PRCC: variants seen among roughly 807,000 people sequenced by gnomAD.
PRCC encodes the protein proline rich mitotic checkpoint control factor, also known as proline-rich protein PRCC.
In PRCC, 10 loss-of-function variants were observed where a neutral mutation model predicts 44.0. The ratio of observed to expected loss-of-function variants is 0.23; its 90% CI spans 0.14 to 0.39. The LOEUF (loss-of-function observed/expected upper bound fraction) is 0.39. PRCC is among the 10% of genes least tolerant of loss of function. PRCC has a pLI of 1.00. For synonymous variants in PRCC, 278 were observed against 259.5 expected (o/e 1.07, Z -0.69); for missense variants, 573 against 624.7 (o/e 0.92, Z 0.88).
intron 2 of PRCC, among the ~76,000 whole-genome samples, chr1:156,785,165 T>C (rs1398901589): frequency 6.6e-6 from 1 of 152,106 alleles, no homozygotes; most frequent in African/African-American, 2.4e-5. Flanking sequence ...CTGAAGATGA[T>C]CTTATAAAAA....
At chr1:156,770,631 TC>T (rs1558044468) in intron 1 of PRCC, among the ~76,000 whole-genome samples, 1 of 152,212 alleles carries the variant, frequency 6.6e-6, no homozygotes, top group Admixed American at 6.5e-5. Context: ...CACCTTGGCC[TC>T]CCAAAGTGCC....
rs1424993561 is a variant in PRCC, at chr1:156,800,414, A to G, written c.1430A>G (p.Glu477Gly). ...CTGGAACTGAAGAACACCTGGTCAGAGAACAAGCTCAGCCGCCGTCAGACC... is the reference window on the plus strand; with the variant it reads ...CTGGAACTGAAGAACACCTGGTCAGGGAACAAGCTCAGCCGCCGTCAGACC... ...RELELKNTWSENKLSRRQTQA... is the reference protein window; with the variant it reads ...RELELKNTWSGNKLSRRQTQA... The change falls in exon 7 of 7, where the codon GAG (glutamate) becomes GGG (glycine). Residue 477 changes from glutamate to glycine, a missense_variant. Physicochemically the swap from Glu to Gly is moderately conservative, Grantham distance 98. Coordinates refer to ENST00000271526, the MANE Select transcript of PRCC (RefSeq NM_005973.5). 6.2e-7 allele frequency: 1 copy of G among 1,614,216 alleles called. No homozygotes were observed.
At chr1:156,779,741 ATCT>A (rs1651982286) in intron 1 of PRCC, among the ~76,000 whole-genome samples, 1 of 150,190 alleles carries the variant, frequency 6.7e-6, no homozygotes. Flanking sequence ...TTTCTATTTC[ATCT>A]TCTTTTTTTT....
intron 6 of PRCC, among the ~76,000 whole-genome samples, chr1:156,798,180 C>T (rs1228923785): frequency 6.6e-6 from 1 of 152,168 alleles, no homozygotes; most frequent in Non-Finnish European, 1.5e-5. Context: ...TTTCGATTCC[C>T]CTAACAGCTA....
intron 1 of PRCC, among the ~76,000 whole-genome samples, chr1:156,770,745 A>G (rs973658152): frequency 6.6e-6 from 1 of 152,270 alleles, no homozygotes; most frequent in African/African-American, 2.4e-5. Flanking sequence ...TATGTCTTAC[A>G]CTTAGGCTCT....
rs1302849680 is a variant in PRCC, at chr1:156,787,446, GATTGATATATAT to G, written c.1083+275_1083+286del. ...ATCCATAATATTTGTACATATTTGTGATTGATATATATATATATATATATATATATATATATA... is the reference window on the plus strand; with the variant it reads ...ATCCATAATATTTGTACATATTTGTGATATATATATATATATATATATATA... On this transcript the variant is annotated intron_variant, in intron 3 of 6. Transcript: ENST00000271526. Among the ~76,000 whole-genome samples, 15 of 111,798 alleles carry G rather than the reference GATTGATATATAT, an allele frequency of 1.3e-4. No individual in the cohort carries two copies. In the South Asian group the frequency reaches 2.2e-3, roughly 17 times the overall value. 73.3% of individuals were successfully genotyped at this position (111,798 alleles called of 152,430 possible). A position where few individuals can be genotyped will look rare whatever the true frequency, so the allele number is the denominator to read the frequency against.
intron 1 of PRCC, among the ~76,000 whole-genome samples, chr1:156,772,995 G>A (rs552567875): frequency 2.6e-4 from 40 of 152,340 alleles, no homozygotes; most frequent in Admixed American, 1.3e-3. Flanking sequence ...ACATGGAAGA[G>A]CCTGGGGCAG....
chr1:156,782,243 T>A lies in PRCC; in HGVS notation c.469-39T>A, dbSNP rs769006881. On this transcript the variant is annotated intron_variant, in intron 1 of 6. Coordinates refer to ENST00000271526, the MANE Select transcript of PRCC (RefSeq NM_005973.5). The stretch of plus-strand genomic sequence containing the variant: ...ATTTAATGTGTTTCCTTTACTGTCC[T>A]AAAACAGTGAGGCCTTACTTCATTT... The A allele has an allele frequency of 3.2e-6, 5 of 1,552,262 alleles. No homozygotes were observed. The South Asian group carries it at 4.5e-5, about 14-fold the overall frequency.
chr1:156,789,784 T>C (rs559414138), intron 3 of PRCC, among the ~76,000 whole-genome samples: 110 of 152,328 alleles, frequency 7.2e-4, no homozygotes, highest in Non-Finnish European at 1.3e-3. Flanking sequence ...ATAATTACAT[T>C]AGTTTAGCGT....
intron 2 of PRCC, among the ~76,000 whole-genome samples, chr1:156,783,963 G>A (rs189888511): frequency 6.7e-6 from 1 of 150,114 alleles, no homozygotes; most frequent in African/African-American, 2.4e-5. Context: ...TTTTTTTTGG[G>A]GGGGACGGAG....
rs67388360 is a variant in PRCC at position 156,792,053 on chromosome 1, C to CTTTTTTTTTT, written c.1179+280_1179+289dup. ...ACAGAGTCAGGGATCTAGTCCCCTTCTTTTTTTTTTTTTTTTTTTTTTTTT... is the reference window on the plus strand; with the variant it reads ...ACAGAGTCAGGGATCTAGTCCCCTTCTTTTTTTTTTTTTTTTTTTTTTTTTTTTTTTTTTT... On this transcript the variant is annotated intron_variant, in intron 4 of 6. Coordinates refer to ENST00000271526, the MANE Select transcript of PRCC (RefSeq NM_005973.5). Among the ~76,000 whole-genome samples, 137 of 58,444 alleles carry CTTTTTTTTTT rather than the reference C, an allele frequency of 2.3e-3. 15 individuals carry two copies. The highest frequency in any genetic ancestry group is 6.3e-3 in the South Asian group (6 of 960). The allele number at this position is 58,444 out of a possible 152,430, so 38.3% of individuals were successfully genotyped here.
At chr1:156,778,606 A>G (rs959676290) in intron 1 of PRCC, among the ~76,000 whole-genome samples, 22 of 141,450 alleles carry the variant, frequency 1.6e-4, no homozygotes, top group Admixed American at 5.8e-4. Flanking sequence ...TTTTTGTGGC[A>G]GGGTCTCACT....
intron 2 of PRCC, 78 bp from the exon 3 acceptor site, chr1:156,786,528 CTG>C: frequency 7.2e-7 from 1 of 1,395,890 alleles, no homozygotes; most frequent in Non-Finnish European, 9.9e-7. Context: ...TTATCTGTAA[CTG>C]TTGTTTTTGG....
At chr1:156,783,767 A>AAAAAT (rs994189429) in intron 2 of PRCC, among the ~76,000 whole-genome samples, 5 of 151,828 alleles carry the variant, frequency 3.3e-5, no homozygotes, top group African/African-American at 1.2e-4. Flanking sequence ...AAAAATACAT[A>AAAAAT]AAAATAAAAT....
At chr1:156,786,534 T>G (rs1652249785) in intron 2 of PRCC, 74 bp from the exon 3 acceptor site, 1 of 1,422,030 alleles carries the variant, frequency 7.0e-7, no homozygotes, top group South Asian at 1.3e-5. Flanking sequence ...GTAACTGTTG[T>G]TTTTGGTGTT....
chr1:156,767,789 C>G lies in PRCC; in HGVS notation c.18C>G (p.Tyr6Ter). 2 of 1,606,296 alleles carry G rather than the reference C, an allele frequency of 1.2e-6. No individual in the cohort carries two copies. Among genetic ancestry groups the G allele is most frequent in the South Asian group, 2.2e-5 (2 of 89,568 alleles). The change falls in exon 1 of 7, where the codon TAC (tyrosine) becomes TAG (stop). Residue 6 changes from tyrosine to a stop codon, truncating the protein, a stop_gained. Transcript: ENST00000271526. LOFTEE classifies it high-confidence loss of function. MSLVA[Y>*]ASSDESEPDE... The stretch of plus-strand genomic sequence containing the variant: ...GAGGCGCCATGTCGCTGGTTGCTTA[C>G]GCCAGCAGCGATGAGAGCGAGCCGG...
intron 6 of PRCC, among the ~76,000 whole-genome samples, chr1:156,798,081 C>T (rs1390839015): frequency 1.3e-5 from 2 of 152,000 alleles, no homozygotes; most frequent in African/African-American, 4.8e-5. Context: ...GTAGCTGGGA[C>T]CACAGGTGTG....
At chr1:156,795,285 GTTTTTTTT>G (rs35911411) in intron 5 of PRCC, among the ~76,000 whole-genome samples, 8 of 36,062 alleles carry the variant, frequency 2.2e-4, no homozygotes, top group African/African-American at 2.8e-4. Flanking sequence ...ATTTTCTGGT[GTTTTTTTT>G]TTTTTTTTTT....
intron 4 of PRCC, 148 bp downstream of exon 4, chr1:156,791,940 A>G (rs1652492466): frequency 1.4e-6 from 1 of 725,278 alleles, no homozygotes; most frequent in South Asian, 1.9e-5. Flanking sequence ...GAAACTCTAA[A>G]TAATAGTGGC....
Sources: gnomAD v4.1 joint callset for allele counts (sites outside exome capture counted in the v4.1 genomes callset) on GRCh38, gnomAD v4.1.1 for gene constraint, MANE v1.5 for transcripts, NCBI Gene and HGNC (gene_info 2026-07-23, HGNC 2026-07-21) for gene names.